The following ZNF540 variants were observed in gnomAD, a reference collection of about 807,000 sequenced individuals.
The protein encoded by ZNF540 is zinc finger protein 540.
ZNF540 carries 3 observed loss-of-function variants against 11.8 expected under a neutral mutation model. That is an observed-to-expected ratio of 0.25 (90% CI 0.12 to 0.65). ZNF540 has a LOEUF of 0.65. Ranked by LOEUF, ZNF540 falls within the 30% of genes least tolerant of loss-of-function variation. The pLI, the probability that ZNF540 is intolerant of heterozygous loss-of-function variation, is 0.83. For missense variants in ZNF540, 709 were observed against 793.1 expected (o/e 0.89, Z 1.27); for synonymous variants, 247 against 259.0 (o/e 0.95, Z 0.45).
chr19:37,570,155 A>C (rs1197126826), intron 1 of ZNF540, among the ~76,000 whole-genome samples: 1 of 152,182 alleles, frequency 6.6e-6, no homozygotes, highest in East Asian at 1.9e-4. Context: ...TTAATGCCTG[A>C]CATCTCTGGG....
At position 37,611,590 on chromosome 19, in the gene ZNF540, A is replaced by G; in HGVS notation, c.310A>G (p.Ile104Val). ...TGAAATCAGTTTATCCAAAGAGAGT[A>G]TAATAGAAAAAAGTAAAACTCTTCG... ...IHEISLSKES[I>V]IEKSKTLRLK... is the part of the protein sequence containing the mutation. Residue 104 changes from isoleucine (I) to valine (V), a missense_variant, in exon 5 of 5, where the codon ATA becomes GTA. Transcript: ENST00000316433. 1.2e-6 allele frequency: 2 copies of G among 1,613,730 alleles called. No homozygotes were observed. The highest frequency in any genetic ancestry group is 1.7e-6 in the Non-Finnish European group (2 of 1,179,796).
At chr19:37,607,848 C>T (rs924485948) in intron 4 of ZNF540, among the ~76,000 whole-genome samples, 3 of 152,240 alleles carry the variant, frequency 2.0e-5, no homozygotes, top group East Asian at 3.9e-4. Context: ...CTGAGTAGTA[C>T]GATAAGAATA....
chr19:37,601,383 CAATT>C (rs2044038726), intron 4 of ZNF540, among the ~76,000 whole-genome samples: 1 of 152,194 alleles, frequency 6.6e-6, no homozygotes, highest in African/African-American at 2.4e-5. Flanking sequence ...CTAGTGCAAT[CAATT>C]GCTTCCTATC....
Position 37,611,712 on chromosome 19 carries a change from C to G in ZNF540, c.432C>G (p.Ile144Met), listed in dbSNP as rs202168660. 2 of 1,613,578 alleles carry G rather than the reference C, an allele frequency of 1.2e-6. No homozygotes were observed. The highest frequency in any genetic ancestry group is 2.7e-5 in the African/African-American group (2 of 74,856). ...AAAGATCTATCAGTCAAAAGAAAAT[C>G]GTCTCTAAAAAAATGTCAACTGATA... ...LKERSISQKK[I>M]VSKKMSTDRK... The change falls in exon 5 of 5, where the codon ATC becomes ATG. Residue 144 changes from isoleucine to methionine, a missense_variant. Coordinates refer to ENST00000316433, the MANE Select transcript of ZNF540 (RefSeq NM_001172225.3).
chr19:37,556,678 G>C (rs534352432), intron 1 of ZNF540, among the ~76,000 whole-genome samples: 5 of 152,320 alleles, frequency 3.3e-5, no homozygotes, highest in African/African-American at 1.2e-4. Context: ...TGTAGGTACT[G>C]TAATAAATTC....
intron 4 of ZNF540, among the ~76,000 whole-genome samples, chr19:37,606,001 G>T (rs193264250): frequency 1.3e-5 from 2 of 152,234 alleles, no homozygotes; most frequent in Non-Finnish European, 2.9e-5. Flanking sequence ...TTTATAGTTA[G>T]GCAGGAATCA....
intron 1 of ZNF540, among the ~76,000 whole-genome samples, chr19:37,583,067 G>T (rs571926533): frequency 2.0e-5 from 3 of 152,066 alleles, no homozygotes; most frequent in Non-Finnish European, 4.4e-5. Flanking sequence ...TAGCCACACT[G>T]GCCTTCTTGC....
chr19:37,588,738 A>G (rs575538269), intron 1 of ZNF540, among the ~76,000 whole-genome samples: 6 of 152,210 alleles, frequency 3.9e-5, no homozygotes, highest in Non-Finnish European at 5.9e-5. Context: ...AAAAAGTTGG[A>G]TACTGCATAT....
At chr19:37,579,305 G>A (rs1487459765) in intron 1 of ZNF540, among the ~76,000 whole-genome samples, 1 of 152,164 alleles carries the variant, frequency 6.6e-6, no homozygotes, top group Non-Finnish European at 1.5e-5. Context: ...GGGGAACTGG[G>A]GAACTACTTG....
At chr19:37,602,947 T>C (rs1279771107) in intron 4 of ZNF540, among the ~76,000 whole-genome samples, 1 of 151,258 alleles carries the variant, frequency 6.6e-6, no homozygotes, top group Non-Finnish European at 1.5e-5. Flanking sequence ...GGAAATCTGT[T>C]AGGAGGGAAC....
chr19:37,554,387 C>T (rs1395626810), intron 1 of ZNF540, among the ~76,000 whole-genome samples: 1 of 152,090 alleles, frequency 6.6e-6, no homozygotes, highest in Admixed American at 6.5e-5. Context: ...ATATTATTAC[C>T]AAGTGCAGAA....
intron 1 of ZNF540, among the ~76,000 whole-genome samples, chr19:37,558,237 TTTTG>T (rs1449787574): frequency 1.3e-5 from 2 of 152,184 alleles, no homozygotes; most frequent in Non-Finnish European, 1.5e-5. Context: ...TGTTGCTCGT[TTTTG>T]TTTTTCAAAC....
chr19:37,553,279 C>G (rs1167687387), intron 1 of ZNF540, among the ~76,000 whole-genome samples: 1 of 151,116 alleles, frequency 6.6e-6, no homozygotes, highest in Non-Finnish European at 1.5e-5. Context: ...GTTACAGGTG[C>G]CCACCACCAC....
intron 1 of ZNF540, chr19:37,583,965 T>A: frequency 6.3e-7 from 1 of 1,599,384 alleles, no homozygotes; most frequent in Non-Finnish European, 8.5e-7. Context: ...CGTAGGATGA[T>A]CTTACCCAAT....
At chr19:37,586,966 C>G (rs2043695754) in intron 1 of ZNF540, 1 of 417,188 alleles carries the variant, frequency 2.4e-6, no homozygotes, top group Non-Finnish European at 4.2e-6. Flanking sequence ...CCCATGGCAT[C>G]TCCTCTTCCA....
upstream of ZNF540, among the ~76,000 whole-genome samples, chr19:37,593,502 G>T (rs2043927613): frequency 6.6e-6 from 1 of 152,180 alleles, no homozygotes; most frequent in African/African-American, 2.4e-5. Flanking sequence ...AGGAGATCGA[G>T]ACCATCCTGG....
intron 1 of ZNF540, among the ~76,000 whole-genome samples, chr19:37,552,718 T>A (rs1302208986): frequency 6.6e-6 from 1 of 152,016 alleles, no homozygotes; most frequent in Non-Finnish European, 1.5e-5. Context: ...AAGGCTGAGG[T>A]GGTGGGATCA....
At chr19:37,602,798 GGAAA>G (rs1291774436) in intron 4 of ZNF540, among the ~76,000 whole-genome samples, 3 of 152,146 alleles carry the variant, frequency 2.0e-5, no homozygotes, top group African/African-American at 7.2e-5. Context: ...GGATATGGCA[GGAAA>G]GAAGCTGGTG....
intron 1 of ZNF540, chr19:37,575,373 C>T (rs1266255844): frequency 6.6e-6 from 1 of 152,096 alleles, no homozygotes; most frequent in African/African-American, 2.4e-5. Flanking sequence ...AATGGCATAC[C>T]CACATATGTC....
Sources: gnomAD v4.1 joint callset for allele counts (sites outside exome capture counted in the v4.1 genomes callset) on GRCh38, gnomAD v4.1.1 for gene constraint, MANE v1.5 for transcripts, NCBI Gene and HGNC (gene_info 2026-07-23, HGNC 2026-07-21) for gene names.